The following PCNX2 variants were observed in gnomAD, a reference collection of about 807,000 sequenced individuals.
The protein encoded by PCNX2 is pecanex-like protein 2.
A neutral mutation model predicts 223.8 loss-of-function variants in PCNX2; 168 were observed. That is an observed-to-expected ratio of 0.75 (90% CI 0.66 to 0.85). PCNX2 has a LOEUF of 0.85. Among genes scored for constraint, PCNX2 ranks in the 40% least tolerant of loss-of-function variants. The pLI, the probability that PCNX2 is intolerant of heterozygous loss-of-function variation, is 0.00. For missense variants in PCNX2, 2,507 were observed against 2,675.5 expected (o/e 0.94, Z 1.39); for synonymous variants, 1,006 against 1,052.6 (o/e 0.96, Z 0.86).
intron 25 of PCNX2, among the ~76,000 whole-genome samples, chr1:233,030,212 C>A (rs1377796244): frequency 6.6e-6 from 1 of 152,092 alleles, no homozygotes; most frequent in African/African-American, 2.4e-5. Context: ...TTGTTAAGCC[C>A]ACTCACTGAA....
chr1:233,118,021 A>AAAG (rs1675527512), intron 21 of PCNX2, among the ~76,000 whole-genome samples: 1 of 152,042 alleles, frequency 6.6e-6, no homozygotes, highest in African/African-American at 2.4e-5. Context: ...AAAAAAAAAA[A>AAAG]AAGAATAATT....
chr1:233,047,345 C>G, intron 25 of PCNX2: 2 of 975,310 alleles, frequency 2.1e-6, no homozygotes, highest in Non-Finnish European at 2.4e-6. Context: ...AGCTGACAGA[C>G]AGAAAAAGCA....
intron 25 of PCNX2, among the ~76,000 whole-genome samples, chr1:233,044,979 C>T (rs969605865): frequency 5.3e-5 from 8 of 152,132 alleles, no homozygotes; most frequent in African/African-American, 1.9e-4. Context: ...TATTTGTATT[C>T]TTGATATAGA....
Position 232,990,347 on chromosome 1 carries a change from T to C in PCNX2, c.5792-3807A>G, listed in dbSNP as rs1031838672. Reference sequence around the variant, plus strand: ...CTTGAGGGGAATGAAAGCTCTGTGCTCCCGGTCGCAGTCAGTGCTAGAGAG... The same window carrying C: ...CTTGAGGGGAATGAAAGCTCTGTGCCCCCGGTCGCAGTCAGTGCTAGAGAG... On this transcript the variant is annotated intron_variant, in intron 32 of 33. Transcript: ENST00000258229. This position sits in a 1 kb window ranked among gnomAD's most constrained non-coding sequence, Gnocchi z 4.3. 6.6e-6 allele frequency among the ~76,000 whole-genome samples: 1 copy of C among 152,124 alleles called. No individual in the cohort carries two copies. Among genetic ancestry groups the C allele is most frequent in the Non-Finnish European group, 1.5e-5 (1 of 68,022 alleles).
At chr1:233,046,650 G>A (rs1223075098) in intron 25 of PCNX2, among the ~76,000 whole-genome samples, 1 of 152,154 alleles carries the variant, frequency 6.6e-6, no homozygotes, top group Non-Finnish European at 1.5e-5. Flanking sequence ...TACTGTGGCT[G>A]GCAGGAAGAA....
At chr1:233,125,213 G>A (rs1168511398) in intron 21 of PCNX2, among the ~76,000 whole-genome samples, 1 of 152,174 alleles carries the variant, frequency 6.6e-6, no homozygotes, top group Non-Finnish European at 1.5e-5. Context: ...TGGCATTGCT[G>A]AACTATTCCT....
intron 3 of PCNX2, 145 bp from the exon 4 acceptor site, chr1:233,261,466 C>G (rs1660036462): frequency 9.9e-6 from 7 of 705,708 alleles, no homozygotes; most frequent in Middle Eastern, 2.4e-4. Flanking sequence ...CCTTAAGCTT[C>G]TATAAAATGG....
intron 1 of PCNX2, chr1:233,290,796 G>C (rs1288042863): frequency 2.0e-6 from 2 of 985,250 alleles, no homozygotes; most frequent in African/African-American, 3.5e-5. Flanking sequence ...GAACAAGTCT[G>C]GCTAAAGTTA....
chr1:232,999,610 C>T (rs917242825), intron 30 of PCNX2: 1 of 488,360 alleles, frequency 2.0e-6, no homozygotes, highest in Non-Finnish European at 3.6e-6. Flanking sequence ...TGTGCCAACA[C>T]ACCTGGCTAA....
chr1:233,311,035 G>C, the PCNX2 span, among the ~76,000 whole-genome samples: 1 of 152,172 alleles, frequency 6.6e-6, no homozygotes, highest in Non-Finnish European at 1.5e-5. Flanking sequence ...CCAAACCATA[G>C]CAGGAAGCCG....
intron 28 of PCNX2, among the ~76,000 whole-genome samples, chr1:233,011,444 ATTAATT>A (rs1013215396): frequency 5.9e-5 from 9 of 152,192 alleles, no homozygotes; most frequent in Non-Finnish European, 1.2e-4. Context: ...CATTTTAAAA[ATTAATT>A]TTAATTTTAA....
intron 1 of PCNX2, among the ~76,000 whole-genome samples, chr1:233,280,332 C>CTCTGT (rs1218371496): frequency 7.0e-6 from 1 of 142,122 alleles, no homozygotes; most frequent in African/African-American, 2.6e-5. Flanking sequence ...CAAAGTCTCA[C>CTCTGT]TCTGTCACCC....
intron 25 of PCNX2, among the ~76,000 whole-genome samples, chr1:233,034,415 G>A (rs752036610): frequency 3.9e-5 from 6 of 152,176 alleles, no homozygotes; most frequent in Non-Finnish European, 5.9e-5. Flanking sequence ...AGATCTGCTG[G>A]CACCTGATCT....
At chr1:233,108,675 G>A (rs1674942455) in intron 21 of PCNX2, among the ~76,000 whole-genome samples, 1 of 152,222 alleles carries the variant, frequency 6.6e-6, no homozygotes, top group Non-Finnish European at 1.5e-5. Context: ...TGGAGGAAAG[G>A]TCAATAAATG....
intron 18 of PCNX2, 139 bp from the exon 19 acceptor site, chr1:233,160,572 C>G: frequency 1.0e-6 from 1 of 963,234 alleles, no homozygotes; most frequent in Non-Finnish European, 1.5e-6. Flanking sequence ...TTTCAGGCCT[C>G]TGAAAATGTC....
intron 25 of PCNX2, among the ~76,000 whole-genome samples, chr1:233,046,925 G>A (rs1671843459): frequency 3.9e-5 from 6 of 152,242 alleles, no homozygotes; most frequent in Admixed American, 3.9e-4. Context: ...CCACCAGAAT[G>A]TGGCAGAAAT....
At chr1:233,216,405 A>C (rs986945299) in intron 12 of PCNX2, among the ~76,000 whole-genome samples, 2 of 152,368 alleles carry the variant, frequency 1.3e-5, no homozygotes, top group African/African-American at 4.8e-5. Context: ...GAAAAGTAAC[A>C]ATATATGTGA....
Position 233,047,275 on chromosome 1 carries a change from A to T in PCNX2, c.4351+6993T>A, listed in dbSNP as rs140300962. The stretch of plus-strand genomic sequence containing the variant: ...CTGGTTATGCCTCAAGATATAATTG[A>T]TCTAAGATGAGACCAGAACATTTAT... On this transcript the variant is annotated intron_variant, in intron 25 of 33. Transcript: ENST00000258229. The T allele has an allele frequency of 3.6e-3, 2,515 of 704,428 alleles. 9 individuals carry two copies. Among genetic ancestry groups the T allele is most frequent in the Non-Finnish European group, 3.7e-3 (2,102 of 573,492 alleles). The allele number at this position is 704,428 out of a possible 1,614,324, so 43.6% of individuals were successfully genotyped here.
At chr1:233,169,197 T>G (rs562680354) in intron 17 of PCNX2, among the ~76,000 whole-genome samples, 1 of 152,256 alleles carries the variant, frequency 6.6e-6, no homozygotes, top group African/African-American at 2.4e-5. Context: ...ATACAGAAGT[T>G]TAAAATTTTT....
Sources: gnomAD v4.1 joint callset for allele counts (sites outside exome capture counted in the v4.1 genomes callset) on GRCh38, gnomAD v4.1.1 for gene constraint, Gnocchi (gnomAD v3.1) non-coding constraint, MANE v1.5 for transcripts, NCBI Gene and HGNC (gene_info 2026-07-23, HGNC 2026-07-21) for gene names.